KCTD16: variants seen among roughly 807,000 people sequenced by gnomAD.
KCTD16 encodes the protein BTB/POZ domain-containing protein KCTD16.
In KCTD16, 13 loss-of-function variants were observed where a neutral mutation model predicts 33.2. The observed-to-expected ratio is 0.39, with a 90% confidence interval of 0.25 to 0.62. The LOEUF is 0.62. Among genes scored for constraint, KCTD16 ranks in the 20% least tolerant of loss-of-function variants. KCTD16 has a pLI of 0.50. For synonymous variants in KCTD16, 197 were observed against 195.3 expected, an observed-to-expected ratio of 1.01 and a Z score of -0.07; for missense variants, 441 against 525.1, an observed-to-expected ratio of 0.84 and a Z score of 1.57.
chr5:144,356,722 G>A (rs1170900792), intron 3 of KCTD16, among the ~76,000 whole-genome samples: 1 of 151,890 alleles, frequency 6.6e-6, no homozygotes, highest in Non-Finnish European at 1.5e-5. Context: ...TTACCTGTGG[G>A]GAGAAAGGCT....
At chr5:144,450,846 C>A (rs1427156528) in intron 3 of KCTD16, among the ~76,000 whole-genome samples, 1 of 151,898 alleles carries the variant, frequency 6.6e-6, no homozygotes, top group Non-Finnish European at 1.5e-5. Flanking sequence ...TTCAGTTATG[C>A]AAATGAAAAA....
At chr5:144,354,804 A>C (rs1269015842) in intron 3 of KCTD16, among the ~76,000 whole-genome samples, 1 of 152,202 alleles carries the variant, frequency 6.6e-6, no homozygotes, top group Non-Finnish European at 1.5e-5. Context: ...TGAATTTCAT[A>C]TGAGACATAC....
chr5:144,315,969 G>A (rs1751900333), intron 3 of KCTD16, among the ~76,000 whole-genome samples: 1 of 151,142 alleles, frequency 6.6e-6, no homozygotes, highest in East Asian at 1.9e-4. Context: ...TTTATAGTGG[G>A]GTAAATAAAT....
intron 3 of KCTD16, among the ~76,000 whole-genome samples, chr5:144,462,220 G>A (rs1754212330): frequency 6.6e-6 from 1 of 150,614 alleles, no homozygotes. Flanking sequence ...GCATTTCTTT[G>A]TCTTCAGGTT....
intron 3 of KCTD16, among the ~76,000 whole-genome samples, chr5:144,439,776 G>A (rs1278430164): frequency 1.3e-5 from 2 of 152,080 alleles, no homozygotes; most frequent in Admixed American, 6.6e-5. Flanking sequence ...CTGAGATTAA[G>A]ATCATGGCTG....
chr5:144,321,107 G>C (rs978134403), intron 3 of KCTD16, among the ~76,000 whole-genome samples: 11 of 152,110 alleles, frequency 7.2e-5, no homozygotes, highest in Non-Finnish European at 1.2e-4. Flanking sequence ...CACCCATCTC[G>C]GCCTCCCAAG....
Position 144,480,482 on chromosome 5 carries a change from A to G in KCTD16, c.*6368A>G, listed in dbSNP as rs1450158058. The G allele has an allele frequency of 6.6e-6, 1 of 152,050 alleles. No individual in the cohort carries two copies. The highest frequency in any genetic ancestry group is 1.5e-5 in the Non-Finnish European group (1 of 67,960). The allele number at this position is 152,050 out of a possible 1,614,324, so 9.4% of individuals were successfully genotyped here. ...AAGCTAAGATAGACATAGAATACAT[A>G]TTAATCATCAGTAGTCTTTTTTAAT... On this transcript the variant is annotated 3_prime_UTR_variant, in exon 4 of 4. Coordinates refer to ENST00000512467, the MANE Select transcript of KCTD16 (RefSeq NM_020768.4).
At chr5:144,323,611 T>C (rs913024052) in intron 3 of KCTD16, among the ~76,000 whole-genome samples, 4 of 152,168 alleles carry the variant, frequency 2.6e-5, no homozygotes, top group Non-Finnish European at 2.9e-5. Flanking sequence ...AGTCCTTGAC[T>C]GGGGAAAGTC....
chr5:144,327,345 T>G (rs1351664440), intron 3 of KCTD16, among the ~76,000 whole-genome samples: 1 of 152,134 alleles, frequency 6.6e-6, no homozygotes, highest in Non-Finnish European at 1.5e-5. Flanking sequence ...AATAGCTTTG[T>G]GCCTTCCTGA....
chr5:144,231,461 T>C (rs1289633497), intron 3 of KCTD16, among the ~76,000 whole-genome samples: 1 of 152,196 alleles, frequency 6.6e-6, no homozygotes, highest in Non-Finnish European at 1.5e-5. Flanking sequence ...AGCTATTTTA[T>C]AGTAATATTG....
At chr5:144,308,927 C>T (rs1180179383) in intron 3 of KCTD16, among the ~76,000 whole-genome samples, 4 of 151,932 alleles carry the variant, frequency 2.6e-5, no homozygotes, top group African/African-American at 4.8e-5. Context: ...ATTCCTCACA[C>T]GTGGGCTTTG....
chr5:144,421,797 A>G (rs1301828609), intron 3 of KCTD16, among the ~76,000 whole-genome samples: 1 of 152,162 alleles, frequency 6.6e-6, no homozygotes, highest in Non-Finnish European at 1.5e-5. Context: ...GGAAAACACC[A>G]AAGTCAACCC....
chr5:144,415,453 C>A (rs895489800), intron 3 of KCTD16, among the ~76,000 whole-genome samples: 1 of 152,124 alleles, frequency 6.6e-6, no homozygotes, highest in African/African-American at 2.4e-5. Flanking sequence ...ATTGTTTGAG[C>A]CACTCCTAAA....
intron 3 of KCTD16, among the ~76,000 whole-genome samples, chr5:144,299,072 A>ATATATATATATTTTTT (rs1491103244): frequency 3.5e-5 from 2 of 57,432 alleles, no homozygotes; most frequent in Non-Finnish European, 3.4e-5. Flanking sequence ...ATATATATAT[A>ATATATATATATTTTTT]TTTTTGTATA....
Position 144,361,801 on chromosome 5 carries a change from A to G in KCTD16, c.833-111859A>G, listed in dbSNP as rs191695403. Among the ~76,000 whole-genome samples, 122 of 152,266 alleles carry G rather than the reference A, an allele frequency of 8.0e-4. 1 individual carries two copies. The highest frequency in any genetic ancestry group is 1.3e-3 in the Non-Finnish European group (91 of 68,014). On this transcript the variant is annotated intron_variant, in intron 3 of 3. Coordinates refer to ENST00000512467, the MANE Select transcript of KCTD16 (RefSeq NM_020768.4). Reference sequence around the variant, plus strand: ...GTTCTCATCACAATCTGTGGCCTATATAGCTAAAAAAGTCCCATAAAATAT... The same window carrying G: ...GTTCTCATCACAATCTGTGGCCTATGTAGCTAAAAAAGTCCCATAAAATAT...
chr5:144,329,274 A>G (rs1015613663), intron 3 of KCTD16, among the ~76,000 whole-genome samples: 3 of 152,176 alleles, frequency 2.0e-5, no homozygotes, highest in Non-Finnish European at 4.4e-5. Context: ...TGGTTCACTC[A>G]AAGAACACCT....
intron 3 of KCTD16, among the ~76,000 whole-genome samples, chr5:144,295,709 T>A (rs562571398): frequency 1.3e-5 from 2 of 152,316 alleles, no homozygotes; most frequent in Middle Eastern, 3.4e-3. Flanking sequence ...GGTACAGACT[T>A]CTAGATAGGG....
chr5:144,205,366 T>G (rs1237464218), intron 2 of KCTD16: 4 of 396,438 alleles, frequency 1.0e-5, no homozygotes, highest in Non-Finnish European at 1.8e-5. Flanking sequence ...GGATGGTTTC[T>G]TGCCTGCACT....
chr5:144,224,298 T>C (rs1187983195), intron 3 of KCTD16, among the ~76,000 whole-genome samples: 4 of 152,046 alleles, frequency 2.6e-5, no homozygotes, highest in Admixed American at 2.0e-4. Context: ...TTTAAATGCT[T>C]TGTACCTAGT....
Sources: allele counts gnomAD v4.1 joint callset (sites outside exome capture counted in the v4.1 genomes callset), GRCh38; gene constraint gnomAD v4.1.1; transcripts MANE v1.5; gene names NCBI Gene and HGNC (gene_info 2026-07-23, HGNC 2026-07-21).